The following VPS41 variants were observed in gnomAD, a reference collection of about 807,000 sequenced individuals.
VPS41 encodes VPS41 subunit of HOPS complex, also known as vacuolar protein sorting-associated protein 41 homolog.
Under a neutral mutation model 130.9 loss-of-function variants are expected in VPS41, and 85 were observed. That is an observed-to-expected ratio of 0.65 (90% CI 0.55 to 0.78). The LOEUF is 0.78. Among genes scored for constraint, VPS41 ranks in the 30% least tolerant of loss-of-function variants. The pLI, the probability that VPS41 is intolerant of heterozygous loss-of-function variation, is 0.00. For synonymous variants in VPS41, 335 were observed against 332.9 expected (o/e 1.01, Z -0.07); for missense variants, 874 against 1,018.7 (o/e 0.86, Z 1.93).
intron 5 of VPS41, among the ~76,000 whole-genome samples, chr7:38,822,483 G>A (rs964910728): frequency 1.3e-5 from 2 of 152,164 alleles, no homozygotes; most frequent in African/African-American, 2.4e-5. Flanking sequence ...GTGAGATTTA[G>A]CCACACTGTT....
At chr7:38,897,495 A>G (rs1367768196) in intron 2 of VPS41, among the ~76,000 whole-genome samples, 1 of 152,020 alleles carries the variant, frequency 6.6e-6, no homozygotes, top group Non-Finnish European at 1.5e-5. Flanking sequence ...AATACAAAAA[A>G]TTAGCTGGGC....
intron 5 of VPS41, among the ~76,000 whole-genome samples, chr7:38,829,216 C>T (rs966825796): frequency 6.6e-6 from 1 of 152,086 alleles, no homozygotes; most frequent in African/African-American, 2.4e-5. Flanking sequence ...ACTAGTGTTC[C>T]AATTACTGTT....
intron 10 of VPS41, among the ~76,000 whole-genome samples, chr7:38,781,882 G>A (rs954786511): frequency 6.6e-5 from 10 of 152,176 alleles, no homozygotes; most frequent in African/African-American, 1.9e-4. Flanking sequence ...GGAAATTACA[G>A]TTGTAATCTA....
At chr7:38,874,138 C>T (rs1786435267) in intron 2 of VPS41, among the ~76,000 whole-genome samples, 1 of 152,104 alleles carries the variant, frequency 6.6e-6, no homozygotes, top group African/African-American at 2.4e-5. Flanking sequence ...CTTGTTTAAA[C>T]ATATCTTTCA....
intron 2 of VPS41, among the ~76,000 whole-genome samples, chr7:38,891,384 T>C (rs1786863855): frequency 6.6e-6 from 1 of 152,226 alleles, no homozygotes; most frequent in Admixed American, 6.5e-5. Flanking sequence ...CCTTGTATGC[T>C]TTTCCTTTGT....
Position 38,751,582 on chromosome 7 carries a change from T to C in VPS41, c.1926+594A>G, listed in dbSNP as rs370889665. Among the ~76,000 whole-genome samples, 218 of 152,330 alleles carry C rather than the reference T, an allele frequency of 1.4e-3. 1 individual carries two copies. Among genetic ancestry groups the C allele is most frequent in the South Asian group, 7.3e-3 (35 of 4,822 alleles). ...CAACACACATTTAGTAAATGTCTAA[T>C]GTGTGGTGGGTACTAGATTTACCAA... On this transcript the variant is annotated intron_variant, in intron 22 of 28. Coordinates refer to ENST00000310301, the MANE Select transcript of VPS41 (RefSeq NM_014396.4).
At chr7:38,831,470 G>C (rs1785386146) in intron 4 of VPS41, 1 of 256,174 alleles carries the variant, frequency 3.9e-6, no homozygotes, top group Non-Finnish European at 7.7e-6. Context: ...TTCTACTGGA[G>C]AGCGTTGTTC....
chr7:38,755,222 C>G (rs1444492117), intron 19 of VPS41, among the ~76,000 whole-genome samples: 1 of 152,180 alleles, frequency 6.6e-6, no homozygotes, highest in Non-Finnish European at 1.5e-5. Context: ...TCCTAGCCCC[C>G]CGCCCTCCGA....
chr7:38,789,379 C>T (rs1258354990), intron 10 of VPS41, among the ~76,000 whole-genome samples: 3 of 152,190 alleles, frequency 2.0e-5, no homozygotes, highest in Non-Finnish European at 4.4e-5. Context: ...CAGTGGCTTT[C>T]CCAGTGCTTT....
At position 38,821,162 on chromosome 7, in the gene VPS41, G is replaced by C. The variant is rs759326777; in HGVS notation, c.384+41C>G. On this transcript the variant is annotated intron_variant, in intron 6 of 28. Transcript: ENST00000310301. ...TACTGTAATCCATATTGCCTTACTTGAGAAAACCCTTAGAAAAAGTAAAAC... is the reference window on the plus strand; with the variant it reads ...TACTGTAATCCATATTGCCTTACTTCAGAAAACCCTTAGAAAAAGTAAAAC... 11 of 1,507,288 alleles carry C rather than the reference G, an allele frequency of 7.3e-6. No individual in the cohort carries two copies. The South Asian group carries it at 1.1e-4, about 16-fold the overall frequency. The allele number at this position is 1,507,288 out of a possible 1,614,324, so 93.4% of individuals were successfully genotyped here.
chr7:38,877,998 A>C (rs1176112616), intron 2 of VPS41, among the ~76,000 whole-genome samples: 1 of 152,128 alleles, frequency 6.6e-6, no homozygotes, highest in African/African-American at 2.4e-5. Flanking sequence ...CTGTATCTCC[A>C]ATCCTCACAC....
chr7:38,877,882 G>A (rs140381918), intron 2 of VPS41, among the ~76,000 whole-genome samples: 7 of 152,244 alleles, frequency 4.6e-5, no homozygotes, highest in African/African-American at 1.4e-4. Context: ...AACCCTCTGT[G>A]CCCAAGACTG....
chr7:38,752,148 T>C (rs1384099454), intron 22 of VPS41, 28 bp downstream of exon 22: 3 of 1,612,612 alleles, frequency 1.9e-6, no homozygotes, highest in Non-Finnish European at 2.5e-6. Flanking sequence ...TCATCCAAAG[T>C]GTACAAGTCG....
chr7:38,800,484 T>G (rs545295626), intron 7 of VPS41, among the ~76,000 whole-genome samples: 1 of 152,348 alleles, frequency 6.6e-6, no homozygotes, highest in South Asian at 2.1e-4. Flanking sequence ...TCTCTTATTT[T>G]TACAATCAGG....
At chr7:38,792,186 T>C (rs1261228662) in intron 9 of VPS41, among the ~76,000 whole-genome samples, 1 of 152,126 alleles carries the variant, frequency 6.6e-6, no homozygotes, top group East Asian at 1.9e-4. Context: ...GTCTCATAGG[T>C]AGGAAGTGGC....
intron 27 of VPS41, among the ~76,000 whole-genome samples, chr7:38,727,812 T>C (rs771480531): frequency 6.6e-6 from 1 of 152,240 alleles, no homozygotes; most frequent in Non-Finnish European, 1.5e-5. Context: ...TTTGTTAGCA[T>C]CCTAACAATG....
intron 1 of VPS41, 122 bp from the exon 2 acceptor site, chr7:38,898,251 A>G: frequency 1.3e-6 from 1 of 762,994 alleles, no homozygotes; most frequent in Non-Finnish European, 2.2e-6. Context: ...AGAATCTACA[A>G]CTATACTTTA....
At chr7:38,768,340 C>T (rs1006054553) in intron 14 of VPS41, among the ~76,000 whole-genome samples, 6 of 151,800 alleles carry the variant, frequency 4.0e-5, no homozygotes, top group African/African-American at 7.3e-5. Flanking sequence ...ATATAAGAAA[C>T]GTTGGGTGTT....
intron 2 of VPS41, among the ~76,000 whole-genome samples, chr7:38,881,737 C>T (rs965813999): frequency 1.3e-5 from 2 of 152,148 alleles, no homozygotes; most frequent in Non-Finnish European, 2.9e-5. Context: ...AAGGCCTCCT[C>T]AAAGCCCTAG....
Sources: gnomAD v4.1 joint callset for allele counts (sites outside exome capture counted in the v4.1 genomes callset) on GRCh38, gnomAD v4.1.1 for gene constraint, MANE v1.5 for transcripts, NCBI Gene and HGNC (gene_info 2026-07-23, HGNC 2026-07-21) for gene names.